Variants in CLYBL observed in about 807,000 individuals in gnomAD.
CLYBL encodes citramalyl-CoA lyase, mitochondrial.
In CLYBL, 31 loss-of-function variants were observed where a neutral mutation model predicts 38.9. That is an observed-to-expected ratio of 0.80 (90% CI 0.60 to 1.08). The LOEUF is 1.08. Among genes scored for constraint, CLYBL ranks in the 50% least tolerant of loss-of-function variants. The pLI is 0.00. For missense variants in CLYBL, 434 were observed against 411.6 expected, an observed-to-expected ratio of 1.05 and a Z score of -0.47; for synonymous variants, 171 against 158.6, an observed-to-expected ratio of 1.08 and a Z score of -0.59.
intron 1 of CLYBL, chr13:99,690,127 T>A (rs1023120021): frequency 6.6e-6 from 1 of 152,132 alleles, no homozygotes; most frequent in African/African-American, 2.4e-5. Flanking sequence ...CCAGCCCCAG[T>A]GGAAAGTTTT....
intron 1 of CLYBL, among the ~76,000 whole-genome samples, chr13:99,611,568 C>G (rs2046627398): frequency 6.6e-6 from 1 of 152,210 alleles, no homozygotes; most frequent in Admixed American, 6.5e-5. Context: ...TATCTGTGTT[C>G]ATAAGGAATA....
chr13:99,891,267 A>G, intron 7 of CLYBL, 51 bp from the exon 8 acceptor site: 2 of 1,312,544 alleles, frequency 1.5e-6, no homozygotes, highest in Non-Finnish European at 2.2e-6. Context: ...CAGAAAGGAA[A>G]CCTATAATTT....
chr13:99,852,545 A>G (rs1436152194), intron 2 of CLYBL, among the ~76,000 whole-genome samples: 2 of 152,242 alleles, frequency 1.3e-5, no homozygotes, highest in African/African-American at 4.8e-5. Flanking sequence ...ACCTAAAAAT[A>G]ATTTTCACCA....
chr13:99,775,840 G>A (rs1208921271), intron 2 of CLYBL, among the ~76,000 whole-genome samples: 4 of 151,834 alleles, frequency 2.6e-5, no homozygotes, highest in Non-Finnish European at 4.4e-5. Flanking sequence ...AGAAACTTCT[G>A]GAAAGCCAAG....
At chr13:99,776,878 C>G (rs956766637) in intron 2 of CLYBL, among the ~76,000 whole-genome samples, 2 of 151,276 alleles carry the variant, frequency 1.3e-5, no homozygotes, top group Non-Finnish European at 1.5e-5. Context: ...AGTTCATGCA[C>G]GTTTTTTTTT....
rs1375917527 is a variant in CLYBL at position 99,869,785 on chromosome 13, TAAC to T, written c.803-1152_803-1150del. Among the ~76,000 whole-genome samples, 1 of 152,134 alleles carries T rather than the reference TAAC, an allele frequency of 6.6e-6. No homozygotes were observed. Among genetic ancestry groups the T allele is most frequent in the Non-Finnish European group, 1.5e-5 (1 of 67,964 alleles). On this transcript the variant is annotated intron_variant, in intron 6 of 8. Coordinates refer to ENST00000339105, the MANE Select transcript of CLYBL (RefSeq NM_206808.5). The surrounding 1 kb of genome is among the most constrained non-coding windows in gnomAD (Gnocchi z 4.3). ...AATTTCTACTGTCTAAATGTTAAAA[TAAC>T]TATTTCAAAAGCAAAGCAAACTGAT...
At chr13:99,668,713 G>T (rs1266464246) in intron 1 of CLYBL, among the ~76,000 whole-genome samples, 1 of 152,186 alleles carries the variant, frequency 6.6e-6, no homozygotes, top group Non-Finnish European at 1.5e-5. Flanking sequence ...TGGGCATGAG[G>T]ATGGTACAAT....
chr13:99,649,450 TAC>T (rs2047220152), intron 1 of CLYBL, among the ~76,000 whole-genome samples: 1 of 152,220 alleles, frequency 6.6e-6, no homozygotes, highest in Non-Finnish European at 1.5e-5. Context: ...GCTAAACAGT[TAC>T]ACAGTTAAGT....
At chr13:99,740,645 G>A (rs1158922424) in intron 1 of CLYBL, among the ~76,000 whole-genome samples, 4 of 152,172 alleles carry the variant, frequency 2.6e-5, no homozygotes, top group Non-Finnish European at 5.9e-5. Flanking sequence ...AAGTCCACAC[G>A]TATAGATTCT....
At chr13:99,740,695 G>A (rs1342721793) in intron 1 of CLYBL, among the ~76,000 whole-genome samples, 2 of 152,192 alleles carry the variant, frequency 1.3e-5, no homozygotes, top group African/African-American at 2.4e-5. Context: ...TAGACAGGTC[G>A]CCCGTAGACT....
intron 1 of CLYBL, among the ~76,000 whole-genome samples, chr13:99,767,038 A>G (rs894711107): frequency 6.6e-6 from 1 of 152,232 alleles, no homozygotes; most frequent in Non-Finnish European, 1.5e-5. Context: ...CCCATGGATT[A>G]AGGCAGAGCA....
chr13:99,722,700 G>A (rs750269865), intron 1 of CLYBL, among the ~76,000 whole-genome samples: 8 of 152,180 alleles, frequency 5.3e-5, no homozygotes, highest in South Asian at 2.1e-4. Context: ...GAGGTTATAC[G>A]TAGAGAGTTC....
At chr13:99,758,277 G>T (rs1822390012) in intron 1 of CLYBL, among the ~76,000 whole-genome samples, 1 of 152,166 alleles carries the variant, frequency 6.6e-6, no homozygotes. Flanking sequence ...CAGGTGAAGG[G>T]GGAAGGGAGA....
intron 1 of CLYBL, among the ~76,000 whole-genome samples, chr13:99,670,726 C>G (rs2047553780): frequency 1.3e-5 from 2 of 152,298 alleles, no homozygotes; most frequent in South Asian, 2.1e-4. Flanking sequence ...CTTAGCTACA[C>G]CTTCCGTGGT....
At chr13:99,817,673 AGAAAAG>A (rs2050486099) in intron 2 of CLYBL, among the ~76,000 whole-genome samples, 5 of 128,394 alleles carry the variant, frequency 3.9e-5, no homozygotes, top group East Asian at 2.5e-4. Context: ...AAAAAAAAAA[AGAAAAG>A]AAAAAAGAAA....
chr13:99,730,496 C>A (rs1420860126), intron 1 of CLYBL, among the ~76,000 whole-genome samples: 1 of 152,172 alleles, frequency 6.6e-6, no homozygotes, highest in Non-Finnish European at 1.5e-5. Flanking sequence ...CTTTCCCTTC[C>A]AGCTTTCCTC....
intron 7 of CLYBL, chr13:99,884,982 T>C: frequency 2.1e-6 from 1 of 480,234 alleles, no homozygotes; most frequent in Non-Finnish European, 4.3e-6. Context: ...TTCAGGTAGG[T>C]CGGTATTGCT....
chr13:99,745,857 A>C (rs1342684595), intron 1 of CLYBL, among the ~76,000 whole-genome samples: 1 of 149,496 alleles, frequency 6.7e-6, no homozygotes, highest in African/African-American at 2.5e-5. Flanking sequence ...AAATGTACAA[A>C]TCAGAATAAT....
chr13:99,812,811 C>T (rs1399442572), intron 2 of CLYBL, among the ~76,000 whole-genome samples: 1 of 152,164 alleles, frequency 6.6e-6, no homozygotes, highest in African/African-American at 2.4e-5. Context: ...TGACCAATAC[C>T]CAGCCTCTGG....
Sources: gnomAD v4.1 joint callset for allele counts (sites outside exome capture counted in the v4.1 genomes callset) on GRCh38, gnomAD v4.1.1 for gene constraint, Gnocchi (gnomAD v3.1) non-coding constraint, MANE v1.5 for transcripts, NCBI Gene and HGNC (gene_info 2026-07-23, HGNC 2026-07-21) for gene names.